AK5: variants seen among roughly 807,000 people sequenced by gnomAD.
AK5 encodes the protein adenylate kinase isoenzyme 5.
A neutral mutation model predicts 69.5 loss-of-function variants in AK5; 27 were observed. The ratio of observed to expected loss-of-function variants is 0.39; its 90% CI spans 0.29 to 0.54. AK5 has a LOEUF of 0.54. AK5 is among the 20% of genes least tolerant of loss of function. The probability of loss-of-function intolerance (pLI) is 0.71; values close to 1 mark genes in which losing one functional copy is unlikely to be tolerated. For missense variants in AK5, 531 were observed against 700.4 expected (o/e 0.76, Z 2.73); for synonymous variants, 260 against 244.4 (o/e 1.06, Z -0.60).
intron 11 of AK5, among the ~76,000 whole-genome samples, chr1:77,520,044 C>A (rs61777070): frequency 0.033 from 4,940 of 151,842 alleles, 76 homozygotes; most frequent in Middle Eastern, 0.082. Flanking sequence ...TCTACTAAAA[C>A]TACAAAAAAT....
At chr1:77,555,100 G>A (rs1254922594) in intron 13 of AK5, among the ~76,000 whole-genome samples, 1 of 151,970 alleles carries the variant, frequency 6.6e-6, no homozygotes. Flanking sequence ...GGCCAACATG[G>A]TGAAACCCCA....
intron 10 of AK5, among the ~76,000 whole-genome samples, chr1:77,490,631 C>T (rs1427057490): frequency 6.6e-6 from 1 of 152,116 alleles, no homozygotes; most frequent in African/African-American, 2.4e-5. Context: ...TAAGAACCTG[C>T]ACTGATATAC....
intron 8 of AK5, among the ~76,000 whole-genome samples, chr1:77,425,304 A>G (rs2647518): frequency 0.92 from 140,510 of 152,246 alleles, 64,972 homozygotes; most frequent in East Asian, 0.97. Context: ...AATGACATAG[A>G]GCCAGGCATG....
chr1:77,312,152 T>G (rs1207381532), intron 5 of AK5, among the ~76,000 whole-genome samples: 1 of 152,178 alleles, frequency 6.6e-6, no homozygotes, highest in Non-Finnish European at 1.5e-5. Context: ...TTTAAATACA[T>G]GATTACAATT....
intron 6 of AK5, among the ~76,000 whole-genome samples, chr1:77,375,498 C>T (rs1442723237): frequency 6.6e-6 from 1 of 152,104 alleles, no homozygotes; most frequent in African/African-American, 2.4e-5. Flanking sequence ...TGCTGATGCT[C>T]CATGCCCCAT....
chr1:77,408,219 C>T (rs1347985898), intron 6 of AK5, among the ~76,000 whole-genome samples: 1 of 152,170 alleles, frequency 6.6e-6, no homozygotes, highest in Non-Finnish European at 1.5e-5. Flanking sequence ...AAACTGCATT[C>T]CACAGTGGCT....
intron 8 of AK5, among the ~76,000 whole-genome samples, chr1:77,467,312 T>G (rs991123268): frequency 6.6e-6 from 1 of 152,338 alleles, no homozygotes; most frequent in Admixed American, 6.5e-5. Context: ...CTTCATGGGT[T>G]TCTGTGAACA....
chr1:77,457,332 T>A lies in AK5; in HGVS notation c.1060-25985T>A, dbSNP rs945351411. Among the ~76,000 whole-genome samples the A allele has an allele frequency of 2.6e-5, 4 of 152,190 alleles. No individual in the cohort carries two copies. In the East Asian group the frequency reaches 5.8e-4, roughly 22 times the overall value. The stretch of plus-strand genomic sequence containing the variant: ...ACATTTTACAGTTGGTTTTTATTCT[T>A]TGCTCATTTTCTACCCTCTGCTCTT... On this transcript the variant is annotated intron_variant, in intron 8 of 13. Coordinates refer to ENST00000354567, the MANE Select transcript of AK5 (RefSeq NM_174858.3).
At chr1:77,336,409 CTGTT>C (rs1002627143) in intron 5 of AK5, among the ~76,000 whole-genome samples, 14 of 152,174 alleles carry the variant, frequency 9.2e-5, no homozygotes, top group Admixed American at 8.5e-4. Context: ...GATAACAACA[CTGTT>C]TGCATAAACA....
chr1:77,433,061 T>C lies in AK5; in HGVS notation c.1059+15346T>C, dbSNP rs1651743076. 3.9e-5 allele frequency among the ~76,000 whole-genome samples: 6 copies of C among 152,200 alleles called. No homozygotes were observed. In the South Asian group the frequency reaches 1.2e-3, roughly 31 times the overall value. On this transcript the variant is annotated intron_variant, in intron 8 of 13. Transcript: ENST00000354567. ...TTTTTCGGGTATGAGACTTGTCTCT[T>C]GAAATTTATATCAAGTTGTCTAGCT...
chr1:77,445,969 C>T (rs1381519885), intron 8 of AK5, among the ~76,000 whole-genome samples: 1 of 152,156 alleles, frequency 6.6e-6, no homozygotes, highest in African/African-American at 2.4e-5. Flanking sequence ...GCTTTTGTAG[C>T]CTGAGCTTTT....
intron 9 of AK5, among the ~76,000 whole-genome samples, chr1:77,485,775 G>T (rs7522356): frequency 0.41 from 62,051 of 152,038 alleles, 12,981 homozygotes; most frequent in Middle Eastern, 0.49. Flanking sequence ...GCCACCAAAA[G>T]TTGATCGTGC....
chr1:77,311,427 A>G (rs932856760), intron 5 of AK5, among the ~76,000 whole-genome samples: 1 of 152,098 alleles, frequency 6.6e-6, no homozygotes, highest in Non-Finnish European at 1.5e-5. Context: ...AATGTGTACT[A>G]CTGGCTAATT....
chr1:77,329,186 C>G (rs981158968), intron 5 of AK5, among the ~76,000 whole-genome samples: 3 of 143,092 alleles, frequency 2.1e-5, no homozygotes, highest in Non-Finnish European at 1.5e-5. Flanking sequence ...CTAGTTGTCT[C>G]CCTCAGTGAA....
intron 6 of AK5, among the ~76,000 whole-genome samples, chr1:77,351,731 T>C (rs530983683): frequency 6.6e-6 from 1 of 152,202 alleles, no homozygotes; most frequent in East Asian, 1.9e-4. Flanking sequence ...TGGTCAGAAG[T>C]GGAGCATGTG....
At chr1:77,478,519 G>A (rs954526287) in intron 8 of AK5, among the ~76,000 whole-genome samples, 1 of 152,136 alleles carries the variant, frequency 6.6e-6, no homozygotes, top group Non-Finnish European at 1.5e-5. Flanking sequence ...TAATTGTGAG[G>A]GTTCTTCAGC....
At chr1:77,410,936 T>G (rs765646039) in intron 6 of AK5, 45 bp from the exon 7 acceptor site, 3 of 1,472,420 alleles carry the variant, frequency 2.0e-6, no homozygotes, top group Non-Finnish European at 2.8e-6. Context: ...TTAACTAATT[T>G]GTGTATTCTC....
chr1:77,451,700 T>C (rs1653169564), intron 8 of AK5, among the ~76,000 whole-genome samples: 1 of 152,264 alleles, frequency 6.6e-6, no homozygotes, highest in African/African-American at 2.4e-5. Flanking sequence ...CTCAGGGTTG[T>C]ACTTGCAGTT....
intron 10 of AK5, among the ~76,000 whole-genome samples, chr1:77,515,130 G>A (rs990957720): frequency 6.6e-6 from 1 of 152,188 alleles, no homozygotes; most frequent in Non-Finnish European, 1.5e-5. Context: ...ATTTTGGGGA[G>A]CCTCCATAAT....
Sources: gnomAD v4.1 joint callset for allele counts (sites outside exome capture counted in the v4.1 genomes callset) on GRCh38, gnomAD v4.1.1 for gene constraint, MANE v1.5 for transcripts, NCBI Gene and HGNC (gene_info 2026-07-23, HGNC 2026-07-21) for gene names.